Variants in PTPRM observed in about 807,000 individuals in gnomAD.
PTPRM encodes the protein protein tyrosine phosphatase receptor type M.
A neutral mutation model predicts 186.7 loss-of-function variants in PTPRM; 47 were observed. The observed-to-expected ratio is 0.25, with a 90% confidence interval of 0.20 to 0.32. PTPRM has a LOEUF of 0.32. PTPRM is among the 10% of genes least tolerant of loss of function. PTPRM has a pLI of 1.00. For missense variants in PTPRM, 1,494 were observed against 1,865.0 expected, an observed-to-expected ratio of 0.80 and a Z score of 3.66; for synonymous variants, 668 against 674.9, an observed-to-expected ratio of 0.99 and a Z score of 0.16.
rs1339369858 is a variant in PTPRM at position 7,834,495 on chromosome 18, C to CACACACACACACAT, written c.197-53598_197-53597insTACACACACACACA. ...ATACAGGCCAATATACAAGTATACA[C>CACACACACACACAT]ACACACACACACACACACACACACA... On this transcript the variant is annotated intron_variant, in intron 2 of 32. Coordinates refer to ENST00000580170, the MANE Select transcript of PTPRM (RefSeq NM_001105244.2). Among the ~76,000 whole-genome samples the CACACACACACACAT allele has an allele frequency of 1.1e-3, 149 of 139,518 alleles. 1 individual carries two copies. The highest frequency in any genetic ancestry group is 3.7e-3 in the Middle Eastern group (1 of 270). The allele number at this position is 139,518 out of a possible 152,430, so 91.5% of individuals were successfully genotyped here.
At chr18:7,777,391 G>A (rs542683524) in intron 2 of PTPRM, among the ~76,000 whole-genome samples, 3 of 152,236 alleles carry the variant, frequency 2.0e-5, no homozygotes, top group African/African-American at 7.2e-5. Context: ...AAAATGCAGC[G>A]TTTACAAGTT....
chr18:7,738,601 A>ATTTT (rs35691659), intron 1 of PTPRM, among the ~76,000 whole-genome samples: 1 of 141,690 alleles, frequency 7.1e-6, no homozygotes, highest in South Asian at 2.2e-4. Flanking sequence ...ACACCCGGCT[A>ATTTT]TTTTTTTTTT....
chr18:8,367,711 G>C (rs1200594160), intron 23 of PTPRM, among the ~76,000 whole-genome samples: 1 of 152,258 alleles, frequency 6.6e-6, no homozygotes, highest in Non-Finnish European at 1.5e-5. Flanking sequence ...GGAGTTGAAG[G>C]AGTTGGGAGC....
At chr18:8,022,240 A>G (rs2085279996) in intron 7 of PTPRM, among the ~76,000 whole-genome samples, 1 of 152,110 alleles carries the variant, frequency 6.6e-6, no homozygotes. Context: ...CTTCTGTAGA[A>G]GAGAGGACCA....
intron 7 of PTPRM, among the ~76,000 whole-genome samples, chr18:7,972,384 C>T (rs1344417974): frequency 8.1e-6 from 1 of 123,884 alleles, no homozygotes; most frequent in Non-Finnish European, 1.6e-5. Flanking sequence ...GTGGGTGCAG[C>T]GCACCAGCAT....
At chr18:8,215,877 A>C (rs1171833432) in intron 14 of PTPRM, among the ~76,000 whole-genome samples, 1 of 152,124 alleles carries the variant, frequency 6.6e-6, no homozygotes, top group Admixed American at 6.6e-5. Flanking sequence ...TGAGATGCAG[A>C]GTAACCGGGC....
chr18:7,606,602 T>G (rs191933307), intron 1 of PTPRM, among the ~76,000 whole-genome samples: 110 of 152,320 alleles, frequency 7.2e-4, no homozygotes, highest in African/African-American at 2.4e-3. Context: ...CACAGTCACA[T>G]ATACTGCACA....
intron 1 of PTPRM, among the ~76,000 whole-genome samples, chr18:7,677,456 T>C (rs1338532600): frequency 6.6e-6 from 1 of 152,156 alleles, no homozygotes; most frequent in African/African-American, 2.4e-5. Context: ...TCCTCTTACC[T>C]TGAACAAGAG....
intron 4 of PTPRM, among the ~76,000 whole-genome samples, chr18:7,908,692 A>G (rs574045247): frequency 1.3e-4 from 20 of 152,306 alleles, no homozygotes; most frequent in African/African-American, 4.8e-4. Flanking sequence ...TTCTGTTGTC[A>G]GCAAAACTGG....
Position 8,114,812 on chromosome 18 carries a change from C to G in PTPRM, c.2152C>G (p.Gln718Glu). The G allele has an allele frequency of 6.2e-7, 1 of 1,610,834 alleles. No individual in the cohort carries two copies. Among genetic ancestry groups the G allele is most frequent in the Non-Finnish European group, 8.5e-7 (1 of 1,178,434 alleles). The change falls in exon 13 of 33, where the codon CAA becomes GAA. Residue 718 changes from glutamine to glutamate, a missense_variant. By Grantham distance (29) the Gln-to-Glu change is conservative. Coordinates refer to ENST00000580170, the MANE Select transcript of PTPRM (RefSeq NM_001105244.2). ...ACAGGAAACCAAAATAGACTGTGTC[C>G]AAGTGGCCACAAAAGGTAGGTTGAA... is the stretch of plus-strand genomic sequence containing the variant. ...ANGETKIDCV[Q>E]VATKGAATPK... is the part of the protein sequence containing the mutation.
chr18:8,136,428 A>T (rs539502782), intron 13 of PTPRM, among the ~76,000 whole-genome samples: 2 of 152,244 alleles, frequency 1.3e-5, no homozygotes, highest in African/African-American at 4.8e-5. Flanking sequence ...CGTCAGCCAC[A>T]TCAATAAATG....
chr18:8,166,348 T>G (rs912577638), intron 14 of PTPRM, among the ~76,000 whole-genome samples: 2 of 152,160 alleles, frequency 1.3e-5, no homozygotes, highest in Admixed American at 1.3e-4. Context: ...GAAGTCACCT[T>G]GAAGAAGACC....
chr18:7,576,005 G>A (rs1362759850), intron 1 of PTPRM, among the ~76,000 whole-genome samples: 1 of 152,186 alleles, frequency 6.6e-6, no homozygotes, highest in Non-Finnish European at 1.5e-5. Flanking sequence ...GCTAGCAGGG[G>A]TTGGAAATGA....
intron 7 of PTPRM, among the ~76,000 whole-genome samples, chr18:7,982,794 T>C (rs2082630161): frequency 6.6e-6 from 1 of 152,050 alleles, no homozygotes; most frequent in Non-Finnish European, 1.5e-5. Context: ...TCCAGCATAC[T>C]CCTATGGGAT....
intron 7 of PTPRM, among the ~76,000 whole-genome samples, chr18:8,000,674 T>G (rs2083816016): frequency 6.6e-6 from 1 of 152,210 alleles, no homozygotes; most frequent in Non-Finnish European, 1.5e-5. Context: ...TAAACCTACC[T>G]TTTTTGTGTG....
chr18:7,640,733 C>T (rs1309450680), intron 1 of PTPRM, among the ~76,000 whole-genome samples: 1 of 152,058 alleles, frequency 6.6e-6, no homozygotes, highest in Non-Finnish European at 1.5e-5. Flanking sequence ...TGGAATCTGG[C>T]CTTTAGATTC....
chr18:7,951,155 T>C (rs1568063705), intron 6 of PTPRM, among the ~76,000 whole-genome samples: 1 of 152,218 alleles, frequency 6.6e-6, no homozygotes, highest in Non-Finnish European at 1.5e-5. Flanking sequence ...CTAACAAAAC[T>C]AAGATTCTTC....
intron 2 of PTPRM, among the ~76,000 whole-genome samples, chr18:7,874,116 TAA>T (rs11400321): frequency 0.034 from 5,051 of 149,558 alleles, 287 homozygotes; most frequent in African/African-American, 0.12. Context: ...GGAAAAGTTT[TAA>T]AAAAAAAAAT....
chr18:7,927,446 C>G (rs1245082379), intron 5 of PTPRM, among the ~76,000 whole-genome samples: 2 of 148,418 alleles, frequency 1.3e-5, no homozygotes, highest in Non-Finnish European at 3.0e-5. Flanking sequence ...ATTTTTTGTC[C>G]TTATCTTTCC....
Sources: allele counts gnomAD v4.1 joint callset (sites outside exome capture counted in the v4.1 genomes callset), GRCh38; gene constraint gnomAD v4.1.1; transcripts MANE v1.5; gene names NCBI Gene and HGNC (gene_info 2026-07-23, HGNC 2026-07-21).